WDR19: variants seen among roughly 807,000 people sequenced by gnomAD.
WDR19 encodes the protein WD repeat domain 19.
Under a neutral mutation model 180.0 loss-of-function variants are expected in WDR19, and 121 were observed. The ratio of observed to expected loss-of-function variants is 0.67; its 90% CI spans 0.58 to 0.78. The LOEUF (loss-of-function observed/expected upper bound fraction) is 0.78. Among genes scored for constraint, WDR19 ranks in the 30% least tolerant of loss-of-function variants. WDR19 has a pLI of 0.00. For synonymous variants in WDR19, 497 were observed against 540.7 expected (o/e 0.92, Z 1.12); for missense variants, 1,450 against 1,640.7 (o/e 0.88, Z 2.01).
chr4:39,218,885 T>C (rs1729368189), intron 14 of WDR19: 1 of 152,210 alleles, frequency 6.6e-6, no homozygotes, highest in Non-Finnish European at 1.5e-5. Context: ...TTTTTAACTT[T>C]TAAACTTTTT....
At chr4:39,275,057 G>A (rs1402181526) in intron 33 of WDR19, 99 bp downstream of exon 33, 1 of 1,465,682 alleles carries the variant, frequency 6.8e-7, no homozygotes, top group Non-Finnish European at 9.3e-7. Context: ...AAACGGTGGG[G>A]GGCCAGGTGC....
intron 24 of WDR19, among the ~76,000 whole-genome samples, chr4:39,249,026 T>C (rs542136665): frequency 6.6e-6 from 1 of 152,254 alleles, no homozygotes; most frequent in South Asian, 2.1e-4. Flanking sequence ...TACAGAACTC[T>C]CCACCCCAAA....
At chr4:39,284,923 G>A (rs1737015822) in intron 36 of WDR19, among the ~76,000 whole-genome samples, 2 of 152,086 alleles carry the variant, frequency 1.3e-5, no homozygotes, top group Admixed American at 6.6e-5. Flanking sequence ...AGAACCTGTG[G>A]CCATAGTCGC....
intron 20 of WDR19, among the ~76,000 whole-genome samples, chr4:39,239,585 A>G (rs1406237672): frequency 1.3e-5 from 2 of 152,160 alleles, no homozygotes; most frequent in Non-Finnish European, 2.9e-5. Context: ...TACTTAGGTG[A>G]TGGGTTGATA....
At chr4:39,272,461 G>A (rs1735463189) in intron 31 of WDR19, among the ~76,000 whole-genome samples, 2 of 152,164 alleles carry the variant, frequency 1.3e-5, no homozygotes, top group African/African-American at 2.4e-5. Context: ...CTGGATGACT[G>A]CAGTGGCTTC....
rs531799088 is a variant in WDR19, at chr4:39,228,643, G to A, written c.1935G>A (p.Gly645=). Residue 645 remains glycine, a synonymous_variant, in exon 17 of 37, where the codon GGG becomes GGA. Coordinates refer to ENST00000399820, the MANE Select transcript of WDR19 (RefSeq NM_025132.4). ...TTCTCAGCAACTTAAAAGATACGGG[G>A]CCTGACGAACTGAGACCAATGCTGG... ...HGFLSNLKDT[G]PDELRPMLAQ... 2 of 1,611,664 alleles carry A rather than the reference G, an allele frequency of 1.2e-6. No homozygotes were observed. The highest frequency in any genetic ancestry group is 2.2e-5 in the East Asian group (1 of 44,864).
At position 39,276,824 on chromosome 4, in the gene WDR19, C is replaced by A. The variant is rs980176545; in HGVS notation, c.3717-196C>A. On this transcript the variant is annotated intron_variant, in intron 33 of 36. Transcript: ENST00000399820. ...GCCCATGTAACACCCTAGAACCTAA[C>A]CAATCCTAGGTACTCTTCCTCCTCC... 13 of 594,782 alleles carry A rather than the reference C, an allele frequency of 2.2e-5. No homozygotes were observed. The Middle Eastern group carries it at 9.7e-4, about 44-fold the overall frequency. The allele number at this position is 594,782 out of a possible 1,614,324, so 36.8% of individuals were successfully genotyped here.
chr4:39,211,827 A>C (rs1382413469), intron 9 of WDR19, among the ~76,000 whole-genome samples: 1 of 152,178 alleles, frequency 6.6e-6, no homozygotes, highest in Non-Finnish European at 1.5e-5. Context: ...CAAAGTGAAG[A>C]TATCAGTTCC....
Position 39,217,126 on chromosome 4 carries a change from T to G in WDR19, c.1250-8T>G. ...TTTTAATGTGTTGGTTTTTAAAAAT[T>G]GCTACAGCTGTGAAAAAATTGAAAG... On this transcript the variant is annotated splice_polypyrimidine_tract_variant and splice_region_variant and intron_variant, in intron 12 of 36. Transcript: ENST00000399820. 6.3e-7 allele frequency: 1 copy of G among 1,586,016 alleles called. No individual in the cohort carries two copies. The highest frequency in any genetic ancestry group is 8.6e-7 in the Non-Finnish European group (1 of 1,163,454).
At chr4:39,262,865 T>A (rs1734423151) in intron 28 of WDR19, among the ~76,000 whole-genome samples, 1 of 152,168 alleles carries the variant, frequency 6.6e-6, no homozygotes, top group Non-Finnish European at 1.5e-5. Context: ...CCCAGCTCAG[T>A]GAAAACAGAT....
intron 33 of WDR19, 192 bp downstream of exon 33, chr4:39,275,150 G>A: frequency 1.5e-6 from 1 of 686,680 alleles, no homozygotes; most frequent in Non-Finnish European, 2.5e-6. Flanking sequence ...GACCAGCCTG[G>A]CCAATATGAT....
rs60128786 is a variant in WDR19, at chr4:39,211,929, CAGAGAGAG to C, written c.891-2622_891-2615del. Among the ~76,000 whole-genome samples, 742 of 135,336 alleles carry C rather than the reference CAGAGAGAG, an allele frequency of 5.5e-3. 6 individuals carry two copies. The highest frequency in any genetic ancestry group is 0.019 in the East Asian group (86 of 4,546). The allele number at this position is 135,336 out of a possible 152,430, so 88.8% of individuals were successfully genotyped here. A position where few individuals can be genotyped will look rare whatever the true frequency, so the allele number is the denominator to read the frequency against. On this transcript the variant is annotated intron_variant, in intron 9 of 36. Transcript: ENST00000399820. ...GCATGCTTGTTCTAATATAGACAGA[CAGAGAGAG>C]AGAGAGAGAGAGAGAGAGAGAGAGA...
In WDR19 at chr4:39,232,038, A is replaced by G. The variant is rs79570317; in HGVS notation, c.2142+82A>G. 1.5e-4 allele frequency: 240 copies of G among 1,557,252 alleles called. 1 individual carries two copies. The East Asian group carries it at 4.6e-3, about 30-fold the overall frequency. On this transcript the variant is annotated intron_variant, in intron 18 of 36. Coordinates refer to ENST00000399820, the MANE Select transcript of WDR19 (RefSeq NM_025132.4). Reference sequence around the variant, plus strand: ...ATGCAGTCTAAATTTTTTGCATTTAATCTTACCTCTTAAACAAGTGAATCG... The same window carrying G: ...ATGCAGTCTAAATTTTTTGCATTTAGTCTTACCTCTTAAACAAGTGAATCG...
intron 28 of WDR19, among the ~76,000 whole-genome samples, chr4:39,263,767 A>T (rs1281545537): frequency 1.3e-5 from 2 of 152,090 alleles, no homozygotes; most frequent in Non-Finnish European, 2.9e-5. Flanking sequence ...TCTACTAAAA[A>T]TGTAAAATTA....
At position 39,203,665 on chromosome 4, in the gene WDR19, C is replaced by G. The variant is rs745323786; in HGVS notation, c.546C>G (p.Ser182Arg). The G allele has an allele frequency of 6.2e-7, 1 of 1,612,788 alleles. No individual in the cohort carries two copies. Among genetic ancestry groups the G allele is most frequent in the Non-Finnish European group, 8.5e-7 (1 of 1,179,456 alleles). ...IRQTQVRSEP[S>R]NMQFFLMKMD... ...AGACACAAGTGAGATCAGAGCCTAG[C>G]AACATGCAGTTTTTCTTGATGAAGA... The change falls in exon 7 of 37, where the codon AGC becomes AGG. Residue 182 changes from serine to arginine, a missense_variant. By Grantham distance (110) the Ser-to-Arg change is moderately radical. Coordinates refer to ENST00000399820, the MANE Select transcript of WDR19 (RefSeq NM_025132.4).
intron 21 of WDR19, among the ~76,000 whole-genome samples, chr4:39,243,922 T>G (rs932721826): frequency 6.6e-6 from 1 of 152,218 alleles, no homozygotes. Flanking sequence ...CTTCTTAATT[T>G]TATTCATAGC....
At chr4:39,281,580 A>G (rs1464956649) in intron 36 of WDR19, among the ~76,000 whole-genome samples, 1 of 152,066 alleles carries the variant, frequency 6.6e-6, no homozygotes, top group African/African-American at 2.4e-5. Context: ...ATCTTTGTAG[A>G]CAATTTTAGA....
intron 36 of WDR19, among the ~76,000 whole-genome samples, chr4:39,279,139 A>G (rs757997246): frequency 3.3e-5 from 5 of 152,204 alleles, no homozygotes; most frequent in Non-Finnish European, 5.9e-5. Context: ...GGCCACACAT[A>G]CTGCGGAGGA....
chr4:39,252,766 G>C (rs1427593256), intron 24 of WDR19, among the ~76,000 whole-genome samples: 3 of 151,926 alleles, frequency 2.0e-5, no homozygotes, highest in African/African-American at 7.2e-5. Flanking sequence ...TTTGAGCTTT[G>C]TGACTAAGGA....
Sources: gnomAD v4.1 joint callset for allele counts (sites outside exome capture counted in the v4.1 genomes callset) on GRCh38, gnomAD v4.1.1 for gene constraint, MANE v1.5 for transcripts, NCBI Gene and HGNC (gene_info 2026-07-23, HGNC 2026-07-21) for gene names.